Variants in ERC1 observed in about 807,000 individuals in gnomAD.
The protein encoded by ERC1 is ELKS/RAB6-interacting/CAST family member 1.
A neutral mutation model predicts 132.0 loss-of-function variants in ERC1; 56 were observed. The ratio of observed to expected loss-of-function variants is 0.42; its 90% CI spans 0.34 to 0.53. The LOEUF (loss-of-function observed/expected upper bound fraction) is 0.53. ERC1 is among the 20% of genes least tolerant of loss of function. The pLI is 0.03. For missense variants in ERC1, 1,202 were observed against 1,349.9 expected, an observed-to-expected ratio of 0.89 and a Z score of 1.72; for synonymous variants, 478 against 476.1, an observed-to-expected ratio of 1.00 and a Z score of -0.05.
chr12:1,338,605 G>A (rs2083505849), intron 15 of ERC1, among the ~76,000 whole-genome samples: 1 of 152,184 alleles, frequency 6.6e-6, no homozygotes, highest in Non-Finnish European at 1.5e-5. Flanking sequence ...GAGGAAAGAA[G>A]GCACTCTGGC....
At chr12:1,114,446 C>A (rs767270711) in intron 6 of ERC1, among the ~76,000 whole-genome samples, 4 of 151,910 alleles carry the variant, frequency 2.6e-5, no homozygotes, top group Non-Finnish European at 5.9e-5. Flanking sequence ...TTATTTTTGA[C>A]CACGTGATTG....
At chr12:1,336,521 A>C (rs926462445) in intron 15 of ERC1, among the ~76,000 whole-genome samples, 1 of 152,184 alleles carries the variant, frequency 6.6e-6, no homozygotes, top group Non-Finnish European at 1.5e-5. Context: ...AAAGTCATTC[A>C]GGAGTAGGTT....
intron 14 of ERC1, among the ~76,000 whole-genome samples, chr12:1,273,410 A>G (rs1316581543): frequency 6.6e-6 from 1 of 152,214 alleles, no homozygotes; most frequent in African/African-American, 2.4e-5. Context: ...TGAAATCTAA[A>G]CAAAAGTTAC....
At chr12:1,387,589 G>A (rs575371220) in intron 16 of ERC1, among the ~76,000 whole-genome samples, 1 of 152,282 alleles carries the variant, frequency 6.6e-6, no homozygotes, top group African/African-American at 2.4e-5. Flanking sequence ...ACAGAGAGAA[G>A]ACAGATACAG....
chr12:1,323,446 A>G (rs1278909465), intron 15 of ERC1, among the ~76,000 whole-genome samples: 1 of 152,212 alleles, frequency 6.6e-6, no homozygotes, highest in Non-Finnish European at 1.5e-5. Context: ...ATCTATATAA[A>G]TTATATTTCA....
chr12:1,396,909 G>A (rs1365678500), intron 16 of ERC1, among the ~76,000 whole-genome samples: 2 of 152,142 alleles, frequency 1.3e-5, no homozygotes, highest in Non-Finnish European at 2.9e-5. Flanking sequence ...ACGCCTACCA[G>A]TGACAGATGA....
intron 2 of ERC1, among the ~76,000 whole-genome samples, chr12:1,053,969 G>T (rs868799601): frequency 6.6e-6 from 1 of 152,132 alleles, no homozygotes; most frequent in Middle Eastern, 3.2e-3. Context: ...CTTTTGGGTG[G>T]TCTGTGCTTA....
chr12:1,204,648 AG>A, intron 12 of ERC1: 2 of 847,234 alleles, frequency 2.4e-6, no homozygotes, highest in South Asian at 1.8e-5. Flanking sequence ...TAAAATGTCA[AG>A]GGTATTGGGT....
chr12:1,218,819 C>CATATAT (rs369422257), intron 12 of ERC1, among the ~76,000 whole-genome samples: 225 of 148,550 alleles, frequency 1.5e-3, no homozygotes, highest in African/African-American at 4.6e-3. Context: ...GTCCTATTCT[C>CATATAT]ATATATATAT....
rs11837688 is a variant in ERC1, at chr12:1,331,678, G to A, written c.2781-40155G>A. 3.9e-5 allele frequency among the ~76,000 whole-genome samples: 6 copies of A among 151,930 alleles called. No homozygotes were observed. The East Asian group carries it at 1.2e-3, about 29-fold the overall frequency. On this transcript the variant is annotated intron_variant, in intron 15 of 18. Transcript: ENST00000360905. ...ACACGATTGCAGTTCCTGGTGTTAAGCGATGAGCCTGTATCTTCTATAAAG... is the reference window on the plus strand; with the variant it reads ...ACACGATTGCAGTTCCTGGTGTTAAACGATGAGCCTGTATCTTCTATAAAG...
intron 2 of ERC1, among the ~76,000 whole-genome samples, chr12:1,066,797 A>C (rs931955767): frequency 7.0e-6 from 1 of 143,754 alleles, no homozygotes; most frequent in Admixed American, 7.4e-5. Context: ...AGATTGCGCC[A>C]TTGTAGTCCA....
At chr12:1,077,587 C>G (rs1028692687) in intron 2 of ERC1, among the ~76,000 whole-genome samples, 4 of 152,128 alleles carry the variant, frequency 2.6e-5, no homozygotes, top group African/African-American at 9.7e-5. Flanking sequence ...CAAAATCAAG[C>G]TGAGTGTTAG....
chr12:1,190,272 G>C (rs745626651), intron 12 of ERC1: 1 of 669,762 alleles, frequency 1.5e-6, no homozygotes, highest in Non-Finnish European at 2.7e-6. Context: ...GCTATGGGCT[G>C]TAACATAATT....
At chr12:1,064,757 C>T (rs1447956383) in intron 2 of ERC1, among the ~76,000 whole-genome samples, 1 of 152,154 alleles carries the variant, frequency 6.6e-6, no homozygotes, top group East Asian at 1.9e-4. Context: ...AGAGGACTTT[C>T]TTTGGGCTGA....
chr12:1,375,444 G>A (rs954519417), intron 16 of ERC1, among the ~76,000 whole-genome samples: 14 of 152,146 alleles, frequency 9.2e-5, no homozygotes, highest in Non-Finnish European at 1.8e-4. Flanking sequence ...GGGTGGGGAC[G>A]CAGAGCCAAA....
chr12:1,417,428 G>A (rs1387251404), intron 17 of ERC1, among the ~76,000 whole-genome samples: 1 of 150,776 alleles, frequency 6.6e-6, no homozygotes, highest in South Asian at 2.1e-4. Context: ...TTTTGCTACT[G>A]CTGCTGCTTT....
intron 18 of ERC1, among the ~76,000 whole-genome samples, chr12:1,445,521 G>A (rs907625554): frequency 7.9e-5 from 12 of 152,020 alleles, no homozygotes; most frequent in African/African-American, 1.7e-4. Flanking sequence ...GTGATTCACC[G>A]CGCCCGGCCA....
intron 15 of ERC1, among the ~76,000 whole-genome samples, chr12:1,348,362 AATG>A (rs1398958308): frequency 6.6e-6 from 1 of 152,204 alleles, no homozygotes; most frequent in African/African-American, 2.4e-5. Flanking sequence ...CTGTATGGCC[AATG>A]ATGAAGAATC....
chr12:1,286,829 A>G (rs1333994696), intron 14 of ERC1, among the ~76,000 whole-genome samples: 2 of 152,220 alleles, frequency 1.3e-5, no homozygotes, highest in Non-Finnish European at 2.9e-5. Flanking sequence ...AAATATTATT[A>G]GGATGTTTAA....
Sources: gnomAD v4.1 joint callset for allele counts (sites outside exome capture counted in the v4.1 genomes callset) on GRCh38, gnomAD v4.1.1 for gene constraint, MANE v1.5 for transcripts, NCBI Gene and HGNC (gene_info 2026-07-23, HGNC 2026-07-21) for gene names.